The following COL4A3 variants were observed in gnomAD, a reference collection of about 807,000 sequenced individuals.
COL4A3 encodes collagen alpha-3(IV) chain.
Under a neutral mutation model 217.4 loss-of-function variants are expected in COL4A3, and 135 were observed. That is an observed-to-expected ratio of 0.62 (90% confidence interval 0.54 to 0.72). The LOEUF (loss-of-function observed/expected upper bound fraction) is 0.72. Ranked by LOEUF, COL4A3 falls within the 30% of genes least tolerant of loss-of-function variation. The pLI is 0.00. For missense variants in COL4A3, 1,868 were observed against 2,119.9 expected, an observed-to-expected ratio of 0.88 and a Z score of 2.33; for synonymous variants, 690 against 736.3, an observed-to-expected ratio of 0.94 and a Z score of 1.02.
intron 34 of COL4A3, among the ~76,000 whole-genome samples, chr2:227,287,200 G>A (rs769742321): frequency 2.2e-4 from 34 of 152,198 alleles, no homozygotes; most frequent in African/African-American, 4.6e-4. Context: ...TTGGGAGGCC[G>A]AGGCGGGTGG....
rs571292057 is a variant in COL4A3, at chr2:227,286,372, G to A, written c.2881+2027G>A. Reference sequence around the variant, plus strand: ...CCAGGGTGGGCGGGGTGGGGAGCCTGTAATTCCAGCTAGTCAGGAGGCTGA... The same window carrying A: ...CCAGGGTGGGCGGGGTGGGGAGCCTATAATTCCAGCTAGTCAGGAGGCTGA... On this transcript the variant is annotated intron_variant, in intron 34 of 51. Coordinates refer to ENST00000396578, the MANE Select transcript of COL4A3 (RefSeq NM_000091.5). 2.6e-5 allele frequency among the ~76,000 whole-genome samples: 4 copies of A among 152,300 alleles called. No individual in the cohort carries two copies. The East Asian group carries it at 7.7e-4, about 29-fold the overall frequency.
intron 38 of COL4A3, 49 bp from the exon 39 acceptor site, chr2:227,294,441 T>C: frequency 8.5e-7 from 1 of 1,174,948 alleles, no homozygotes; most frequent in Non-Finnish European, 1.3e-6. Flanking sequence ...GTTGTAATCA[T>C]TTATCTTTTG....
At position 227,277,489 on chromosome 2, in the gene COL4A3, TC is replaced by T; in HGVS notation, c.2063del (p.Pro688GlnfsTer59). The T allele has an allele frequency of 6.2e-7, 1 of 1,613,140 alleles. No individual in the cohort carries two copies. The highest frequency in any genetic ancestry group is 8.5e-7 in the Non-Finnish European group (1 of 1,179,726). ...TGGGGAAATGTGGAGATCCTGGTCT[TC>T]CAGGGCCTGATGGTGAACCAGGAAT... ...SLGKCGDPGL[P>X]GPDGEPGIPG... On this transcript the variant is annotated frameshift_variant, in exon 28 of 52. Coordinates refer to ENST00000396578, the MANE Select transcript of COL4A3 (RefSeq NM_000091.5). LOFTEE classifies it high-confidence loss of function.
At chr2:227,186,205 A>G (rs923361374) in intron 1 of COL4A3, among the ~76,000 whole-genome samples, 1 of 152,246 alleles carries the variant, frequency 6.6e-6, no homozygotes, top group Non-Finnish European at 1.5e-5. Context: ...TCAGGCTTCT[A>G]TCACGCCCTC....
intron 20 of COL4A3, among the ~76,000 whole-genome samples, chr2:227,261,335 G>A (rs2070550749): frequency 6.6e-6 from 1 of 152,150 alleles, no homozygotes; most frequent in South Asian, 2.1e-4. Context: ...GACCAGCCTG[G>A]CAAACATGGC....
In COL4A3 at chr2:227,307,909, A is replaced by G. The variant is rs576773540; in HGVS notation, c.4452A>G (p.Gly1484=). The stretch of plus-strand genomic sequence containing the variant: ...TACAAGGAAATCAACGAGCCCACGG[A>G]CAAGACCTTGGTAATGTCCCAGTCC... The part of the protein sequence containing the change: ...LFVQGNQRAH[G]QDLGTLGSCL... Residue 1484 remains glycine, a synonymous_variant, in exon 48 of 52, where the codon GGA becomes GGG. Coordinates refer to ENST00000396578, the MANE Select transcript of COL4A3 (RefSeq NM_000091.5). 1 of 1,614,080 alleles carries G rather than the reference A, an allele frequency of 6.2e-7. No homozygotes were observed. Among genetic ancestry groups the G allele is most frequent in the Admixed American group, 1.7e-5 (1 of 60,022 alleles).
Position 227,298,752 on chromosome 2 carries a change from C to A in COL4A3, c.3822C>A (p.Gly1274=). ...IGIKGDKGSM[G]HPGPKGPPGT... ...TAAAAGGAGACAAAGGGTCTATGGG[C>A]CACCCTGGCCCAAAAGGTCCACCTG... The change falls in exon 43 of 52, where the codon GGC becomes GGA. Residue 1274 remains glycine, a synonymous_variant. Coordinates refer to ENST00000396578, the MANE Select transcript of COL4A3 (RefSeq NM_000091.5). The A allele has an allele frequency of 6.2e-7, 1 of 1,614,010 alleles. No homozygotes were observed. The highest frequency in any genetic ancestry group is 1.1e-5 in the South Asian group (1 of 91,072).
At position 227,280,821 on chromosome 2, in the gene COL4A3, G is replaced by A. The variant is rs372919732; in HGVS notation, c.2375-72G>A. The A allele has an allele frequency of 2.2e-5, 27 of 1,201,384 alleles. No homozygotes were observed. In the South Asian group the frequency reaches 3.5e-4, roughly 16 times the overall value. 74.4% of individuals were successfully genotyped at this position (1,201,384 alleles called of 1,614,324 possible). ...TTAGGTGGAAAAAAAGTTAACAGAA[G>A]AATGACTGGTACAGCAATACCAAGA... is the stretch of plus-strand genomic sequence containing the variant. On this transcript the variant is annotated intron_variant, in intron 30 of 51. Coordinates refer to ENST00000396578, the MANE Select transcript of COL4A3 (RefSeq NM_000091.5).
At chr2:227,171,368 G>A (rs111964720) in intron 1 of COL4A3, among the ~76,000 whole-genome samples, 7,543 of 152,266 alleles carry the variant, frequency 0.05, 234 homozygotes, top group Admixed American at 0.087. Context: ...CATGCTCAGG[G>A]TATAAATGTA....
intron 37 of COL4A3, 43 bp from the exon 38 acceptor site, chr2:227,293,148 C>A: frequency 6.2e-7 from 1 of 1,612,338 alleles, no homozygotes; most frequent in Non-Finnish European, 8.5e-7. Flanking sequence ...TACCACATAT[C>A]CTGCTTATAT....
chr2:227,212,785 G>A (rs183916804), intron 1 of COL4A3, among the ~76,000 whole-genome samples: 19 of 152,308 alleles, frequency 1.2e-4, no homozygotes, highest in African/African-American at 3.1e-4. Context: ...CCCAGTGCAC[G>A]TTATTGCTCT....
At chr2:227,226,965 T>C (rs2068129874) in intron 1 of COL4A3, among the ~76,000 whole-genome samples, 1 of 152,220 alleles carries the variant, frequency 6.6e-6, no homozygotes, top group Non-Finnish European at 1.5e-5. Flanking sequence ...ATCCACAACA[T>C]TTGTATTGAT....
At chr2:227,295,197 TAA>T (rs1559911683) in intron 40 of COL4A3, 70 bp from the exon 41 acceptor site, 1 of 1,553,718 alleles carries the variant, frequency 6.4e-7, no homozygotes, top group African/African-American at 1.4e-5. Context: ...CGGTGTGTAC[TAA>T]ACTTTTCTCA....
At chr2:227,219,150 A>T (rs1261219425) in intron 1 of COL4A3, among the ~76,000 whole-genome samples, 1 of 152,054 alleles carries the variant, frequency 6.6e-6, no homozygotes. Context: ...ATGCACCACC[A>T]TGCCCAGCTA....
chr2:227,196,201 C>T (rs925557649), intron 1 of COL4A3, among the ~76,000 whole-genome samples: 15 of 152,052 alleles, frequency 9.9e-5, no homozygotes, highest in South Asian at 2.1e-4. Context: ...CAGGAGTGTA[C>T]GATAGTGTCC....
intron 2 of COL4A3, among the ~76,000 whole-genome samples, chr2:227,238,748 A>G (rs1382906758): frequency 2.0e-5 from 3 of 152,192 alleles, no homozygotes; most frequent in Admixed American, 1.3e-4. Context: ...TATAATGTGT[A>G]TGCTAATTAT....
At chr2:227,254,304 C>T in intron 14 of COL4A3, 130 bp downstream of exon 14, 1 of 790,688 alleles carries the variant, frequency 1.3e-6, no homozygotes, top group South Asian at 1.6e-5. Context: ...ATGGCTACTC[C>T]ACAGGCAGAG....
intron 7 of COL4A3, 59 bp downstream of exon 7, chr2:227,246,797 C>T: frequency 7.3e-7 from 1 of 1,372,458 alleles, no homozygotes; most frequent in African/African-American, 1.4e-5. Context: ...CAGTGGTCTA[C>T]TCCATATGGC....
At chr2:227,254,259 G>GTTTT in intron 14 of COL4A3, 85 bp downstream of exon 14, 20 of 994,766 alleles carry the variant, frequency 2.0e-5, no homozygotes, top group Non-Finnish European at 2.9e-5. Flanking sequence ...GTCTTAAGTT[G>GTTTT]TTTTTTTTTT....
Sources: allele counts gnomAD v4.1 joint callset (sites outside exome capture counted in the v4.1 genomes callset), GRCh38; gene constraint gnomAD v4.1.1; transcripts MANE v1.5; gene names NCBI Gene and HGNC (gene_info 2026-07-23, HGNC 2026-07-21).